The following KAT6A variants were observed in gnomAD, a reference collection of about 807,000 sequenced individuals.
The protein encoded by KAT6A is histone acetyltransferase KAT6A.
Under a neutral mutation model 198.4 loss-of-function variants are expected in KAT6A, and 9 were observed. The observed-to-expected ratio is 0.05, with a 90% CI of 0.03 to 0.08. KAT6A has a LOEUF of 0.08. KAT6A is among the 10% of genes least tolerant of loss of function. The probability of loss-of-function intolerance (pLI) is 1.00; values close to 1 mark genes in which losing one functional copy is unlikely to be tolerated. For missense variants in KAT6A, 2,077 were observed against 2,509.9 expected, an observed-to-expected ratio of 0.83 and a Z score of 3.69; for synonymous variants, 890 against 883.0, an observed-to-expected ratio of 1.01 and a Z score of -0.14.
intron 2 of KAT6A, among the ~76,000 whole-genome samples, chr8:41,987,902 G>A (rs539784463): frequency 6.6e-6 from 1 of 152,314 alleles, no homozygotes; most frequent in South Asian, 2.1e-4. Flanking sequence ...CACAGTGTAA[G>A]CGCTGAAAAA....
At chr8:41,978,963 G>C (rs1824209016) in intron 5 of KAT6A, among the ~76,000 whole-genome samples, 186 bp from the exon 6 acceptor site, 2 of 152,102 alleles carry the variant, frequency 1.3e-5, no homozygotes, top group Non-Finnish European at 2.9e-5. Context: ...ACAAATAATT[G>C]GAAGAGACTC....
rs143316311 is a variant in KAT6A, at chr8:41,934,810, G to A, written c.3410C>T (p.Pro1137Leu). 20 of 1,613,504 alleles carry A rather than the reference G, an allele frequency of 1.2e-5. No homozygotes were observed. The highest frequency in any genetic ancestry group is 1.7e-5 in the Non-Finnish European group (20 of 1,179,932). ...LLRKRDVKNS[P>L]LEPDTSTPLK... Reference sequence around the variant, plus strand: ...AGGTGTGGATGTATCTGGCTCAAGAGGAGAATTCTTCACATCACGTTTTCG... The same window carrying A: ...AGGTGTGGATGTATCTGGCTCAAGAAGAGAATTCTTCACATCACGTTTTCG... Residue 1137 changes from proline to leucine, a missense_variant, in exon 17 of 17, where the codon CCT becomes CTT. Coordinates refer to ENST00000265713, the MANE Select transcript of KAT6A (RefSeq NM_006766.5).
intron 7 of KAT6A, among the ~76,000 whole-genome samples, chr8:41,975,867 C>T (rs1824025752): frequency 6.6e-6 from 1 of 152,164 alleles, no homozygotes; most frequent in African/African-American, 2.4e-5. Flanking sequence ...GTCTCCAGTA[C>T]AAATGGTTAA....
At chr8:42,001,515 T>C (rs544450804) in intron 2 of KAT6A, among the ~76,000 whole-genome samples, 2 of 152,328 alleles carry the variant, frequency 1.3e-5, no homozygotes, top group South Asian at 4.1e-4. Context: ...CTAAAATTTT[T>C]CTATGCTACA....
intron 8 of KAT6A, among the ~76,000 whole-genome samples, chr8:41,956,567 C>T (rs956141255): frequency 1.3e-5 from 2 of 152,094 alleles, no homozygotes; most frequent in African/African-American, 4.8e-5. Context: ...TTCACCATAA[C>T]TCATTAGAGA....
At chr8:42,032,487 G>A (rs1430780104) in intron 2 of KAT6A, among the ~76,000 whole-genome samples, 1 of 152,092 alleles carries the variant, frequency 6.6e-6, no homozygotes, top group Non-Finnish European at 1.5e-5. Flanking sequence ...ATTGGCTAAA[G>A]TTATGAGAAA....
intron 2 of KAT6A, among the ~76,000 whole-genome samples, chr8:41,989,127 GGTTCAAAAAGGT>G (rs1404092358): frequency 6.6e-6 from 1 of 152,122 alleles, no homozygotes; most frequent in Non-Finnish European, 1.5e-5. Flanking sequence ...AGCCCCACCA[GGTTCAAAAAGGT>G]GTTCAAAAAG....
intron 2 of KAT6A, among the ~76,000 whole-genome samples, chr8:42,001,716 A>G (rs537342580): frequency 1.3e-5 from 2 of 152,342 alleles, no homozygotes; most frequent in South Asian, 4.1e-4. Context: ...TAACAATGCA[A>G]GTTCCTGAGG....
Position 41,940,967 on chromosome 8 carries a change from G to C in KAT6A, c.2914C>G (p.Arg972Gly), listed in dbSNP as rs747389157. 8 of 1,614,152 alleles carry C rather than the reference G, an allele frequency of 5.0e-6. No individual in the cohort carries two copies. The highest frequency in any genetic ancestry group is 4.5e-5 in the East Asian group (2 of 44,874). ...LTEGSERLPR[R>G]YSEGDRAVLR... The stretch of plus-strand genomic sequence containing the variant: ...ACAGCCCTGTCACCCTCACTGTAGC[G>C]ACGGGGCAGCCTCTCACTTCCTTCT... The change falls in exon 15 of 17, where the codon CGC becomes GGC. Residue 972 changes from arginine to glycine, a missense_variant. Around this residue, in one of 13 missense-constraint regions of KAT6A, gnomAD observed 301 missense variants for 272.2 expected, o/e 1.11. Transcript: ENST00000265713.
intron 8 of KAT6A, chr8:41,958,004 C>T (rs1823010905): frequency 3.3e-5 from 5 of 152,236 alleles, no homozygotes; most frequent in Admixed American, 3.3e-4. Context: ...CTTCCCTCTC[C>T]ATTCCCCAAG....
intron 2 of KAT6A, among the ~76,000 whole-genome samples, chr8:41,988,399 T>C (rs1824736236): frequency 6.6e-6 from 1 of 152,258 alleles, no homozygotes; most frequent in Non-Finnish European, 1.5e-5. Context: ...ATTTGCTTTT[T>C]ATATATCAAT....
chr8:42,014,714 T>C (rs1178147379), intron 2 of KAT6A, among the ~76,000 whole-genome samples: 7 of 152,176 alleles, frequency 4.6e-5, no homozygotes, highest in African/African-American at 1.2e-4. Flanking sequence ...TATTAGCACT[T>C]TTTTAATAAA....
Position 41,932,379 on chromosome 8 carries a change from T to G in KAT6A, c.5841A>C (p.Ala1947=). ...HSNPAYMNQT[A]QYPMQMQMGM... ...CCATCTGCATCTGCATAGGATACTGTGCTGTCTGGTTCATGTAGGCAGGGT... is the reference window on the plus strand; with the variant it reads ...CCATCTGCATCTGCATAGGATACTGGGCTGTCTGGTTCATGTAGGCAGGGT... The change falls in exon 17 of 17, where the codon GCA becomes GCC. Residue 1947 remains alanine, a synonymous_variant. Coordinates refer to ENST00000265713, the MANE Select transcript of KAT6A (RefSeq NM_006766.5). 1 of 1,614,266 alleles carries G rather than the reference T, an allele frequency of 6.2e-7. No homozygotes were observed.
At chr8:42,017,581 A>G (rs1056068287) in intron 2 of KAT6A, among the ~76,000 whole-genome samples, 1 of 152,196 alleles carries the variant, frequency 6.6e-6, no homozygotes, top group African/African-American at 2.4e-5. Flanking sequence ...GAATTTGCAG[A>G]CAGAAATATA....
chr8:42,031,540 G>T (rs751754780), intron 2 of KAT6A, among the ~76,000 whole-genome samples: 11 of 151,022 alleles, frequency 7.3e-5, no homozygotes, highest in African/African-American at 1.2e-4. Context: ...CTGCAAGCTG[G>T]ATCCAAAGAT....
Position 42,048,640 on chromosome 8 carries a change from G to C in KAT6A, c.338C>G (p.Ser113Cys). 1 of 1,614,210 alleles carries C rather than the reference G, an allele frequency of 6.2e-7. No individual in the cohort carries two copies. Among genetic ancestry groups the C allele is most frequent in the Non-Finnish European group, 8.5e-7 (1 of 1,180,032 alleles). Residue 113 changes from serine (S) to cysteine (C), a missense_variant, in exon 2 of 17, where the codon TCT becomes TGT. Around this residue, in one of 13 missense-constraint regions of KAT6A, gnomAD observed 185 missense variants for 185.7 expected, o/e 1.00. Coordinates refer to ENST00000265713, the MANE Select transcript of KAT6A (RefSeq NM_006766.5). ...IKRAVEGLAE[S>C]GGSTLKSIER... is the part of the protein sequence containing the mutation. ...AATGCTTTTCAAAGTTGAGCCACCA[G>C]ACTCTGCCAAGCCCTCAACTGCCCG...
In KAT6A at chr8:41,929,987, A is replaced by G. The variant is rs1821444380; in HGVS notation, c.*2218T>C. ...TGCTAAAAATACATTTTTTTTAAAC[A>G]GAAGTGAAAAAATGACAGGTACCAA... On this transcript the variant is annotated 3_prime_UTR_variant, in exon 17 of 17. Coordinates refer to ENST00000265713, the MANE Select transcript of KAT6A (RefSeq NM_006766.5). The G allele has an allele frequency of 9.1e-6, 2 of 220,620 alleles. No homozygotes were observed. The highest frequency in any genetic ancestry group is 5.8e-5 in the Admixed American group (1 of 17,344). 13.7% of individuals were successfully genotyped at this position (220,620 alleles called of 1,614,324 possible). A position where few individuals can be genotyped will look rare whatever the true frequency, so the allele number is the denominator to read the frequency against.
At chr8:42,047,699 C>G (rs897062073) in intron 2 of KAT6A, among the ~76,000 whole-genome samples, 2 of 152,198 alleles carry the variant, frequency 1.3e-5, no homozygotes, top group Non-Finnish European at 2.9e-5. Context: ...GCATGAACTA[C>G]TGTTCCAGAC....
chr8:41,993,732 CTA>C (rs1468229195), intron 2 of KAT6A, among the ~76,000 whole-genome samples: 1 of 152,204 alleles, frequency 6.6e-6, no homozygotes, highest in Non-Finnish European at 1.5e-5. Context: ...AAGACACAGT[CTA>C]TCAGTTTTCT....
Sources: gnomAD v4.1 joint callset for allele counts (sites outside exome capture counted in the v4.1 genomes callset) on GRCh38, gnomAD v4.1.1 for gene constraint, gnomAD v4.1.1 regional missense constraint, MANE v1.5 for transcripts, NCBI Gene and HGNC (gene_info 2026-07-23, HGNC 2026-07-21) for gene names.